Variants in RALGPS2 observed in about 807,000 individuals in gnomAD.
RALGPS2 encodes the protein ras-specific guanine nucleotide-releasing factor RalGPS2.
In RALGPS2, 43 loss-of-function variants were observed where a neutral mutation model predicts 86.8. The observed-to-expected ratio is 0.50, with a 90% CI of 0.39 to 0.64. The LOEUF is 0.64. Ranked by LOEUF, RALGPS2 falls within the 30% of genes least tolerant of loss-of-function variation. The pLI, the probability that RALGPS2 is intolerant of heterozygous loss-of-function variation, is 0.00. For missense variants in RALGPS2, 536 were observed against 694.6 expected, an observed-to-expected ratio of 0.77 and a Z score of 2.57; for synonymous variants, 243 against 231.3, an observed-to-expected ratio of 1.05 and a Z score of -0.46.
rs1469902578 is a variant in RALGPS2 at position 178,919,778 on chromosome 1, T to C, written c.*3419T>C. 1 of 152,048 alleles carries C rather than the reference T, an allele frequency of 6.6e-6. No homozygotes were observed. The highest frequency in any genetic ancestry group is 1.5e-5 in the Non-Finnish European group (1 of 67,912). 9.4% of individuals were successfully genotyped at this position (152,048 alleles called of 1,614,324 possible). A position where few individuals can be genotyped will look rare whatever the true frequency, so the allele number is the denominator to read the frequency against. ...TCCTTCCTGTTTTTTTGAGGCACAT[T>C]CCTTTACAACCAGTGTTTAAACCAC... On this transcript the variant is annotated 3_prime_UTR_variant, in exon 20 of 20. Coordinates refer to ENST00000367635, the MANE Select transcript of RALGPS2 (RefSeq NM_152663.5).
intron 4 of RALGPS2, among the ~76,000 whole-genome samples, chr1:178,797,688 T>C (rs528961640): frequency 6.6e-6 from 1 of 152,198 alleles, no homozygotes; most frequent in East Asian, 1.9e-4. Flanking sequence ...AACCAAGAAA[T>C]TGATATTTTT....
chr1:178,857,215 A>T (rs1347994947), intron 8 of RALGPS2, among the ~76,000 whole-genome samples: 4 of 152,240 alleles, frequency 2.6e-5, no homozygotes, highest in Non-Finnish European at 2.9e-5. Flanking sequence ...GTATACTTAC[A>T]GTATTCATAG....
intron 8 of RALGPS2, chr1:178,852,979 T>C: frequency 1.3e-6 from 2 of 1,586,654 alleles, no homozygotes; most frequent in Non-Finnish European, 1.7e-6. Context: ...GAAACATGAG[T>C]GCATAAATAA....
At chr1:178,869,145 T>C (rs2102346719) in intron 8 of RALGPS2, 1 of 152,180 alleles carries the variant, frequency 6.6e-6, no homozygotes, top group East Asian at 1.9e-4. Context: ...TAGTTGTTTT[T>C]AGAAGAGAAA....
At chr1:178,776,660 TA>T in intron 1 of RALGPS2, 21 bp from the exon 2 acceptor site, 1 of 794,014 alleles carries the variant, frequency 1.3e-6, no homozygotes, top group East Asian at 3.2e-5. Flanking sequence ...GACATTTGCT[TA>T]ACTTTTTTTT....
intron 8 of RALGPS2, among the ~76,000 whole-genome samples, chr1:178,844,776 T>C (rs1656785388): frequency 6.6e-6 from 1 of 152,140 alleles, no homozygotes; most frequent in African/African-American, 2.4e-5. Context: ...ACTAGAATAT[T>C]GTGAAAAAAA....
intron 1 of RALGPS2, among the ~76,000 whole-genome samples, chr1:178,776,192 A>G (rs1653074277): frequency 6.6e-6 from 1 of 152,102 alleles, no homozygotes; most frequent in South Asian, 2.1e-4. Context: ...ATACTGAGAG[A>G]TGATTGTATT....
chr1:178,877,748 C>T (rs1332301162), intron 9 of RALGPS2, 113 bp downstream of exon 9: 7 of 1,303,784 alleles, frequency 5.4e-6, no homozygotes, highest in Non-Finnish European at 7.4e-6. Flanking sequence ...TTCTTATTTC[C>T]ATTCTAATGT....
chr1:178,903,923 C>G (rs994201165), intron 18 of RALGPS2, among the ~76,000 whole-genome samples: 2 of 152,214 alleles, frequency 1.3e-5, no homozygotes, highest in Non-Finnish European at 2.9e-5. Context: ...CAGGGAATCT[C>G]CACACTGTAT....
intron 1 of RALGPS2, chr1:178,753,921 T>C (rs1416767362): frequency 1.3e-5 from 2 of 151,932 alleles, no homozygotes; most frequent in Non-Finnish European, 1.5e-5. Flanking sequence ...AAGCTCCACC[T>C]CCTGGGTTCA....
At chr1:178,802,693 A>G (rs1158100772) in intron 4 of RALGPS2, among the ~76,000 whole-genome samples, 1 of 152,190 alleles carries the variant, frequency 6.6e-6, no homozygotes. Flanking sequence ...TTATGCAGTT[A>G]TGATTTAATA....
chr1:178,836,772 CTTTCT>C (rs1656292773), intron 8 of RALGPS2, among the ~76,000 whole-genome samples: 1 of 151,946 alleles, frequency 6.6e-6, no homozygotes, highest in South Asian at 2.1e-4. Context: ...TCTTTTCTTT[CTTTCT>C]TTTTTTTATT....
intron 1 of RALGPS2, among the ~76,000 whole-genome samples, chr1:178,739,214 A>G (rs1008530635): frequency 2.6e-5 from 4 of 152,206 alleles, no homozygotes; most frequent in African/African-American, 9.6e-5. Flanking sequence ...AGGATATCTT[A>G]TGGATAAGAA....
intron 1 of RALGPS2, among the ~76,000 whole-genome samples, chr1:178,756,467 A>G (rs1276969313): frequency 6.6e-6 from 1 of 152,074 alleles, no homozygotes; most frequent in East Asian, 1.9e-4. Flanking sequence ...AGATGGCTGT[A>G]GCTGTTGGCT....
chr1:178,908,474 G>A (rs1233674374), intron 19 of RALGPS2, among the ~76,000 whole-genome samples: 1 of 152,198 alleles, frequency 6.6e-6, no homozygotes, highest in African/African-American at 2.4e-5. Flanking sequence ...TTCAGTGGTA[G>A]TTCTGTTTCA....
chr1:178,909,117 T>C (rs1287408651), intron 19 of RALGPS2, among the ~76,000 whole-genome samples: 2 of 152,186 alleles, frequency 1.3e-5, no homozygotes, highest in Non-Finnish European at 2.9e-5. Flanking sequence ...TAATCTTCTG[T>C]ATATGGCTAT....
At chr1:178,881,117 A>G (rs1196834284) in intron 10 of RALGPS2, among the ~76,000 whole-genome samples, 1 of 152,194 alleles carries the variant, frequency 6.6e-6, no homozygotes, top group Non-Finnish European at 1.5e-5. Flanking sequence ...GCTCAGTCTA[A>G]TGTCAGATAC....
rs1026326625 is a variant in RALGPS2 at position 178,812,320 on chromosome 1, G to A, written c.387+916G>A. ...GTGGCATTACAGGTTATGGGAGAGCGAAGGGAGAAGAACATGTTAAGCAAA... is the reference window on the plus strand; with the variant it reads ...GTGGCATTACAGGTTATGGGAGAGCAAAGGGAGAAGAACATGTTAAGCAAA... On this transcript the variant is annotated intron_variant, in intron 6 of 19. Transcript: ENST00000367635. Among the ~76,000 whole-genome samples the A allele has an allele frequency of 5.3e-5, 8 of 152,152 alleles. No individual in the cohort carries two copies. In the South Asian group the frequency reaches 6.2e-4, roughly 12 times the overall value.
chr1:178,786,559 T>C (rs1385158104), intron 4 of RALGPS2, among the ~76,000 whole-genome samples: 1 of 151,920 alleles, frequency 6.6e-6, no homozygotes, highest in Non-Finnish European at 1.5e-5. Context: ...CTGAGTATGA[T>C]AGTATCTCTG....
Sources: gnomAD v4.1 joint callset for allele counts (sites outside exome capture counted in the v4.1 genomes callset) on GRCh38, gnomAD v4.1.1 for gene constraint, MANE v1.5 for transcripts, NCBI Gene and HGNC (gene_info 2026-07-23, HGNC 2026-07-21) for gene names.